ADAMTS12: variants seen among roughly 807,000 people sequenced by gnomAD.
ADAMTS12 encodes A disintegrin and metalloproteinase with thrombospondin motifs 12.
Under a neutral mutation model 167.8 loss-of-function variants are expected in ADAMTS12, and 118 were observed. The ratio of observed to expected loss-of-function variants is 0.70; its 90% CI spans 0.61 to 0.82. ADAMTS12 has a LOEUF of 0.82. Ranked by LOEUF, ADAMTS12 falls within the 40% of genes least tolerant of loss-of-function variation. The pLI, the probability that ADAMTS12 is intolerant of heterozygous loss-of-function variation, is 0.00. For synonymous variants in ADAMTS12, 704 were observed against 716.9 expected (o/e 0.98, Z 0.29); for missense variants, 1,916 against 1,998.8 (o/e 0.96, Z 0.79).
At chr5:33,608,013 T>C (rs1272397777) in intron 16 of ADAMTS12, among the ~76,000 whole-genome samples, 1 of 152,206 alleles carries the variant, frequency 6.6e-6, no homozygotes, top group East Asian at 1.9e-4. Context: ...ATAAGCAAAT[T>C]GGATAAATGC....
At chr5:33,866,808 G>A (rs1749840182) in intron 2 of ADAMTS12, among the ~76,000 whole-genome samples, 1 of 151,786 alleles carries the variant, frequency 6.6e-6, no homozygotes, top group African/African-American at 2.4e-5. Flanking sequence ...TTACTCAAAA[G>A]AAGATAAGTG....
chr5:33,819,529 C>T (rs1303913827), intron 2 of ADAMTS12, among the ~76,000 whole-genome samples: 1 of 151,502 alleles, frequency 6.6e-6, no homozygotes, highest in Non-Finnish European at 1.5e-5. Context: ...TTATCTTTCT[C>T]GGTTTTGCTT....
intron 18 of ADAMTS12, among the ~76,000 whole-genome samples, chr5:33,577,968 G>C (rs1033552042): frequency 2.0e-5 from 3 of 152,186 alleles, no homozygotes; most frequent in South Asian, 4.1e-4. Flanking sequence ...ACATGGTAAA[G>C]AATCTTCATT....
At chr5:33,857,583 G>T (rs1455333265) in intron 2 of ADAMTS12, among the ~76,000 whole-genome samples, 2 of 151,994 alleles carry the variant, frequency 1.3e-5, no homozygotes, top group Non-Finnish European at 2.9e-5. Context: ...CATCAGTAAG[G>T]CTGGAAAAGA....
At chr5:33,637,002 T>C (rs1338135199) in intron 12 of ADAMTS12, among the ~76,000 whole-genome samples, 1 of 152,206 alleles carries the variant, frequency 6.6e-6, no homozygotes, top group Non-Finnish European at 1.5e-5. Context: ...TTGACTTCTG[T>C]TGCAGAGCTG....
chr5:33,730,084 G>A (rs974512364), intron 3 of ADAMTS12, among the ~76,000 whole-genome samples: 1 of 152,158 alleles, frequency 6.6e-6, no homozygotes. Flanking sequence ...GGCTCTTGAC[G>A]AAGTCCTTCA....
chr5:33,546,966 T>C (rs975327240), intron 21 of ADAMTS12, among the ~76,000 whole-genome samples: 6 of 152,226 alleles, frequency 3.9e-5, no homozygotes, highest in African/African-American at 9.7e-5. Flanking sequence ...CATCAGGTAG[T>C]ATGTGTGTGG....
chr5:33,849,376 T>C lies in ADAMTS12; in HGVS notation c.489+31743A>G, dbSNP rs532858856. Among the ~76,000 whole-genome samples, 53 of 146,342 alleles carry C rather than the reference T, an allele frequency of 3.6e-4. 3 individuals are homozygous for C. The South Asian group carries it at 0.011, about 31-fold the overall frequency. On this transcript the variant is annotated intron_variant, in intron 2 of 23. Transcript: ENST00000504830. ...TATGTATTGAATAGCAATATATATA[T>C]GTATTGCACAGCAATATATATATAT...
Position 33,829,875 on chromosome 5 carries a change from C to T in ADAMTS12, c.489+51244G>A, listed in dbSNP as rs987628427. 5.3e-5 allele frequency among the ~76,000 whole-genome samples: 8 copies of T among 152,160 alleles called. No individual in the cohort carries two copies. The South Asian group carries it at 6.2e-4, about 12-fold the overall frequency. On this transcript the variant is annotated intron_variant, in intron 2 of 23. Coordinates refer to ENST00000504830, the MANE Select transcript of ADAMTS12 (RefSeq NM_030955.4). The stretch of plus-strand genomic sequence containing the variant: ...CTTCATACTGAGAAATCCATCTGGC[C>T]CCAGTCCTTTTCCATCTGAGGCAAT...
At chr5:33,635,232 C>T (rs952526780) in intron 12 of ADAMTS12, among the ~76,000 whole-genome samples, 10 of 152,124 alleles carry the variant, frequency 6.6e-5, no homozygotes, top group Non-Finnish European at 8.8e-5. Context: ...GTTTAATAAA[C>T]TGAGCCTTAA....
chr5:33,681,380 T>C (rs1439293857), intron 5 of ADAMTS12, among the ~76,000 whole-genome samples: 3 of 152,210 alleles, frequency 2.0e-5, no homozygotes. Context: ...TGCCGTTCTT[T>C]ACATATCCTA....
At chr5:33,869,830 T>A (rs1392300195) in intron 2 of ADAMTS12, among the ~76,000 whole-genome samples, 2 of 152,090 alleles carry the variant, frequency 1.3e-5, no homozygotes, top group Non-Finnish European at 2.9e-5. Flanking sequence ...TGACTAAAAT[T>A]TACTAGGCAG....
intron 2 of ADAMTS12, among the ~76,000 whole-genome samples, chr5:33,842,175 C>G (rs1748769706): frequency 6.6e-6 from 1 of 152,168 alleles, no homozygotes; most frequent in Admixed American, 6.5e-5. Flanking sequence ...TAGACAGGCC[C>G]AGCGAGTCAT....
intron 1 of ADAMTS12, among the ~76,000 whole-genome samples, chr5:33,883,315 GGTTTTTTTTTT>G (rs1561327322): frequency 2.2e-5 from 3 of 136,724 alleles, no homozygotes; most frequent in Non-Finnish European, 4.7e-5. Context: ...TTGTTTGTTT[GGTTTTTTTTTT>G]GTTTTTTTTT....
At chr5:33,867,766 A>G (rs1472003749) in intron 2 of ADAMTS12, among the ~76,000 whole-genome samples, 4 of 152,166 alleles carry the variant, frequency 2.6e-5, no homozygotes, top group African/African-American at 7.2e-5. Flanking sequence ...TTCTTACAGA[A>G]TTTTTTTATC....
intron 12 of ADAMTS12, among the ~76,000 whole-genome samples, chr5:33,631,835 G>A (rs1486536828): frequency 6.6e-6 from 1 of 152,178 alleles, no homozygotes; most frequent in East Asian, 1.9e-4. Context: ...TCTTCTGGAT[G>A]TGTTTATTAT....
chr5:33,815,536 G>T (rs1452338473), intron 2 of ADAMTS12, among the ~76,000 whole-genome samples: 1 of 152,200 alleles, frequency 6.6e-6, no homozygotes, highest in Non-Finnish European at 1.5e-5. Flanking sequence ...AGAACTTTGA[G>T]AAAGGAATAT....
intron 10 of ADAMTS12, among the ~76,000 whole-genome samples, chr5:33,642,917 C>T (rs897109098): frequency 3.9e-5 from 6 of 152,194 alleles, no homozygotes; most frequent in African/African-American, 1.4e-4. Flanking sequence ...TCTGATTTGC[C>T]TGCTTAGTAA....
chr5:33,647,335 G>A (rs10059623), intron 9 of ADAMTS12, among the ~76,000 whole-genome samples: 85,970 of 151,934 alleles, frequency 0.57, 24,985 homozygotes, highest in East Asian at 0.67. Context: ...ATTTATAAAG[G>A]TTACTTAGGC....
Sources: gnomAD v4.1 joint callset for allele counts (sites outside exome capture counted in the v4.1 genomes callset) on GRCh38, gnomAD v4.1.1 for gene constraint, MANE v1.5 for transcripts, NCBI Gene and HGNC (gene_info 2026-07-23, HGNC 2026-07-21) for gene names.